Variants in CCDC136 observed in about 807,000 individuals in gnomAD.
CCDC136 encodes the protein coiled-coil domain containing 136.
In CCDC136, 100 loss-of-function variants were observed where a neutral mutation model predicts 141.2. The observed-to-expected ratio is 0.71, with a 90% confidence interval of 0.60 to 0.84. CCDC136 has a LOEUF of 0.84. CCDC136 is among the 40% of genes least tolerant of loss of function. CCDC136 has a pLI of 0.00. For synonymous variants in CCDC136, 474 were observed against 531.9 expected, an observed-to-expected ratio of 0.89 and a Z score of 1.50; for missense variants, 1,206 against 1,379.4, an observed-to-expected ratio of 0.87 and a Z score of 1.99.
rs1349443926 is a variant in CCDC136, at chr7:128,794,602, G to A, written c.271G>A (p.Gly91Arg). 6.5e-7 allele frequency: 1 copy of A among 1,547,202 alleles called. No homozygotes were observed. The highest frequency in any genetic ancestry group is 8.7e-7 in the Non-Finnish European group (1 of 1,144,460). ...TGAGGATGACTCCTTGGAGCTACAG[G>A]GTGAGTGCCTGGGCCAGGGCCCAGT... ...QHEDDSLELQGLLEDERLASA... is the reference protein window; with the variant it reads ...QHEDDSLELQRLLEDERLASA... The change falls in exon 2 of 18, where the codon GGG becomes AGG. Residue 91 changes from glycine (G) to arginine (R), a missense_variant and splice_region_variant. Transcript: ENST00000297788. This position sits in a 1 kb window ranked among gnomAD's most constrained non-coding sequence, Gnocchi z 4.3.
intron 10 of CCDC136, among the ~76,000 whole-genome samples, chr7:128,808,047 T>C (rs2128913023): frequency 6.6e-6 from 1 of 152,350 alleles, no homozygotes; most frequent in Admixed American, 6.5e-5. Context: ...TAAATTCTTT[T>C]TTTATGAAAT....
intron 10 of CCDC136, chr7:128,808,401 T>C: frequency 1.2e-6 from 1 of 807,890 alleles, no homozygotes; most frequent in Non-Finnish European, 1.5e-6. Flanking sequence ...TACTCTTAAC[T>C]CACTTCCTTT....
Position 128,810,262 on chromosome 7 carries a change from A to C in CCDC136, c.1924A>C (p.Ile642Leu), listed in dbSNP as rs757140014. Residue 642 changes from isoleucine to leucine, a missense_variant, in exon 12 of 18, where the codon ATC (isoleucine) becomes CTC (leucine). Ile to Leu is a conservative substitution (Grantham distance 5). Transcript: ENST00000297788. Reference protein sequence around the residue: ...QDCVLKEQLEIHEELRRFKES... With the variant: ...QDCVLKEQLELHEELRRFKES... ...CTGTGTATTAAAAGAACAATTAGAGATCCACGAAGAGCTGCGACGTTTCAA... is the reference window on the plus strand; with the variant it reads ...CTGTGTATTAAAAGAACAATTAGAGCTCCACGAAGAGCTGCGACGTTTCAA... The C allele has an allele frequency of 1.9e-6, 3 of 1,613,866 alleles. No homozygotes were observed. The highest frequency in any genetic ancestry group is 1.3e-5 in the African/African-American group (1 of 75,074).
At chr7:128,799,457 T>C (rs1803647538) in intron 3 of CCDC136, among the ~76,000 whole-genome samples, 1 of 151,890 alleles carries the variant, frequency 6.6e-6, no homozygotes, top group Non-Finnish European at 1.5e-5. Flanking sequence ...CATGAATACA[T>C]CAAATATCTA....
Position 128,811,965 on chromosome 7 carries a change from G to A in CCDC136, c.2194G>A (p.Val732Ile), listed in dbSNP as rs1431017288. 5.0e-6 allele frequency: 8 copies of A among 1,614,030 alleles called. No individual in the cohort carries two copies. The highest frequency in any genetic ancestry group is 6.8e-6 in the Non-Finnish European group (8 of 1,179,894). Reference sequence around the variant, plus strand: ...CCTGGAAGAAATGCAGCTGCTTCAAGTCCAGTCCCCTTCTATAAAAATGAG... The same window carrying A: ...CCTGGAAGAAATGCAGCTGCTTCAAATCCAGTCCCCTTCTATAAAAATGAG... ...LCLEEMQLLQ[V>I]QSPSIKMSLE... Residue 732 changes from valine to isoleucine, a missense_variant, in exon 13 of 18, where the codon GTC (valine) becomes ATC (isoleucine). By Grantham distance (29) the Val-to-Ile change is conservative (BLOSUM62 3). Transcript: ENST00000297788.
In CCDC136 at chr7:128,804,694, G is replaced by T; in HGVS notation, c.715G>T (p.Glu239Ter). The change falls in exon 5 of 18, where the codon GAA (glutamate) becomes TAA (stop). Residue 239 changes from glutamate (E) to a stop codon, truncating the protein, a stop_gained. Coordinates refer to ENST00000297788, the MANE Select transcript of CCDC136 (RefSeq NM_022742.5). LOFTEE classifies it high-confidence loss of function. Reference protein sequence around the residue: ...LRERYHFLNEEYRALQESNSS... With the variant: ...LRERYHFLNE The stretch of plus-strand genomic sequence containing the variant: ...GGAACGCTACCATTTCCTGAATGAG[G>T]AATACCGGGCCCTGCAGGAGAGCAA... 4 of 1,596,522 alleles carry T rather than the reference G, an allele frequency of 2.5e-6. No homozygotes were observed. Among genetic ancestry groups the T allele is most frequent in the Non-Finnish European group, 2.6e-6 (3 of 1,171,716 alleles).
upstream of CCDC136, among the ~76,000 whole-genome samples, chr7:128,791,136 G>A (rs964045209): frequency 3.3e-5 from 5 of 152,170 alleles, no homozygotes; most frequent in Non-Finnish European, 7.4e-5. The surrounding 1 kb of genome is among the most constrained non-coding windows in gnomAD (Gnocchi z 7.1). Context: ...AGCAGACCCC[G>A]GGGGGACCCG....
At position 128,797,314 on chromosome 7, in the gene CCDC136, C is replaced by A. The variant is rs190549040; in HGVS notation, c.346+2546C>A. On this transcript the variant is annotated intron_variant, in intron 3 of 17. Transcript: ENST00000297788. ...AGGCAGAACCAGGGAGAAAACAGGGCCGGAGATGTAAATTTGGAGTCATTA... is the reference window on the plus strand; with the variant it reads ...AGGCAGAACCAGGGAGAAAACAGGGACGGAGATGTAAATTTGGAGTCATTA... Among the ~76,000 whole-genome samples, 234 of 152,098 alleles carry A rather than the reference C, an allele frequency of 1.5e-3. 1 individual carries two copies. Among genetic ancestry groups the A allele is most frequent in the Admixed American group, 5.2e-3 (80 of 15,280 alleles).
chr7:128,802,031 T>C (rs1804105175), intron 4 of CCDC136, among the ~76,000 whole-genome samples: 1 of 152,220 alleles, frequency 6.6e-6, no homozygotes, highest in Non-Finnish European at 1.5e-5. Context: ...GTGCTTTGCC[T>C]GGAATGCTTT....
intron 13 of CCDC136, among the ~76,000 whole-genome samples, 162 bp downstream of exon 13, chr7:128,812,474 C>G (rs753926763): frequency 1.4e-4 from 22 of 152,148 alleles, no homozygotes; most frequent in Non-Finnish European, 3.2e-4. Context: ...GCAGCCTGGT[C>G]TCCCGCTCAG....
At position 128,811,851 on chromosome 7, in the gene CCDC136, G is replaced by T. The variant is rs368143350; in HGVS notation, c.2080G>T (p.Ala694Ser). 1.2e-6 allele frequency: 2 copies of T among 1,609,922 alleles called. No homozygotes were observed. The highest frequency in any genetic ancestry group is 2.2e-5 in the South Asian group (2 of 90,574). Residue 694 changes from alanine (A) to serine (S), a missense_variant, in exon 13 of 18, where the codon GCC becomes TCC. Coordinates refer to ENST00000297788, the MANE Select transcript of CCDC136 (RefSeq NM_022742.5). ...QMQALQVMYD[A>S]GQAKQELLQQ... is the part of the protein sequence containing the mutation. ...GCAGGCCCTGCAGGTGATGTATGACGCCGGTCAGGCGAAGCAGGAGCTCTT... is the reference window on the plus strand; with the variant it reads ...GCAGGCCCTGCAGGTGATGTATGACTCCGGTCAGGCGAAGCAGGAGCTCTT...
chr7:128,806,733 G>A lies in CCDC136; in HGVS notation c.1294G>A (p.Val432Ile), dbSNP rs61746779. The change falls in exon 9 of 18, where the codon GTC (valine) becomes ATC (isoleucine). Residue 432 changes from valine (V) to isoleucine (I), a missense_variant. By Grantham distance (29) the Val-to-Ile change is conservative. Coordinates refer to ENST00000297788, the MANE Select transcript of CCDC136 (RefSeq NM_022742.5). ...GAAGCTGCACCTCCAGCACCAGAAC[G>A]TCACATGTGAGAAGGAAAAGCTGCT... The part of the protein sequence containing the change: ...LQKLHLQHQN[V>I]TCEKEKLLER... 5.4e-3 allele frequency: 8,712 copies of A among 1,611,488 alleles called. 372 individuals are homozygous for A. The African/African-American group carries it at 0.095, about 18-fold the overall frequency.
At position 128,805,949 on chromosome 7, in the gene CCDC136, A is replaced by G; in HGVS notation, c.1089+48A>G. ...TCTGGGGTGGGGGCAGAAGGGCCTC[A>G]TGGAGGGGCTGCTTCAACCGGGGTG... On this transcript the variant is annotated intron_variant, in intron 7 of 17. Coordinates refer to ENST00000297788, the MANE Select transcript of CCDC136 (RefSeq NM_022742.5). This position sits in a 1 kb window ranked among gnomAD's most constrained non-coding sequence, Gnocchi z 4.6. 1 of 1,606,832 alleles carries G rather than the reference A, an allele frequency of 6.2e-7. No homozygotes were observed. The highest frequency in any genetic ancestry group is 8.5e-7 in the Non-Finnish European group (1 of 1,175,128).
At chr7:128,819,096 C>T (rs944977976) in intron 17 of CCDC136, among the ~76,000 whole-genome samples, 3 of 152,222 alleles carry the variant, frequency 2.0e-5, no homozygotes, top group Non-Finnish European at 4.4e-5. Context: ...GACGGGGCCC[C>T]TCTCTATGAC....
At chr7:128,797,747 T>G (rs1041858331) in intron 3 of CCDC136, among the ~76,000 whole-genome samples, 2 of 152,196 alleles carry the variant, frequency 1.3e-5, no homozygotes, top group Non-Finnish European at 2.9e-5. Context: ...GTCAAAAGAT[T>G]ATTTCTTTTC....
chr7:128,798,513 A>C (rs1350696388), intron 3 of CCDC136, among the ~76,000 whole-genome samples: 1 of 151,812 alleles, frequency 6.6e-6, no homozygotes, highest in Non-Finnish European at 1.5e-5. Flanking sequence ...CAGCCTCCCA[A>C]AGTGCTGGGA....
In CCDC136 at chr7:128,805,466, A is replaced by C. The variant is rs1431060879; in HGVS notation, c.890A>C (p.Gln297Pro). Residue 297 changes from glutamine to proline, a missense_variant, in exon 6 of 18, where the codon CAG becomes CCG. Gln to Pro is a moderately conservative substitution (Grantham distance 76, BLOSUM62 -1). Coordinates refer to ENST00000297788, the MANE Select transcript of CCDC136 (RefSeq NM_022742.5). This position sits in a 1 kb window ranked among gnomAD's most constrained non-coding sequence, Gnocchi z 4.6. ...MDFLEPDPEM[Q>P]LLRQQLRDAE... is the part of the protein sequence containing the mutation. ...TTCTTAGAGCCTGATCCTGAAATGC[A>C]GTTGTTACGGCAGCAGCTACGGGAT... is the stretch of plus-strand genomic sequence containing the variant. 1.2e-6 allele frequency: 2 copies of C among 1,613,988 alleles called. No individual in the cohort carries two copies. Among genetic ancestry groups the C allele is most frequent in the East Asian group, 2.2e-5 (1 of 44,892 alleles).
chr7:128,810,577 A>G (rs1805565162), intron 12 of CCDC136, among the ~76,000 whole-genome samples: 1 of 152,222 alleles, frequency 6.6e-6, no homozygotes, highest in Non-Finnish European at 1.5e-5. Context: ...CCTAGATGCC[A>G]TTATCCTTTA....
rs1482264792 is a variant in CCDC136, at chr7:128,821,466, C to T, written c.*6-333C>T. Among the ~76,000 whole-genome samples the T allele has an allele frequency of 1.3e-5, 2 of 152,192 alleles. No individual in the cohort carries two copies. Among genetic ancestry groups the T allele is most frequent in the East Asian group, 3.8e-4 (2 of 5,202 alleles). On this transcript the variant is annotated intron_variant, in intron 17 of 17. Transcript: ENST00000297788. The surrounding 1 kb of genome is among the most constrained non-coding windows in gnomAD (Gnocchi z 5.1). ...AAGCCCCAGATTTCCCCTCCTCTTT[C>T]TTGCCATGGCATCCAGTCCTTTCTC...
Sources: gnomAD v4.1 joint callset for allele counts (sites outside exome capture counted in the v4.1 genomes callset) on GRCh38, gnomAD v4.1.1 for gene constraint, Gnocchi (gnomAD v3.1) non-coding constraint, MANE v1.5 for transcripts, NCBI Gene and HGNC (gene_info 2026-07-23, HGNC 2026-07-21) for gene names.